The following CDKN2C variants were observed in gnomAD, a reference collection of about 807,000 sequenced individuals.
CDKN2C encodes the protein cyclin dependent kinase inhibitor 2C, also known as cyclin-dependent kinase 4 inhibitor C.
In CDKN2C, 5 loss-of-function variants were observed where a neutral mutation model predicts 11.0. The ratio of observed to expected loss-of-function variants is 0.45; its 90% CI spans 0.24 to 0.95. The LOEUF is 0.95. Among genes scored for constraint, CDKN2C ranks in the 40% least tolerant of loss-of-function variants. The pLI, the probability that CDKN2C is intolerant of heterozygous loss-of-function variation, is 0.21. For missense variants in CDKN2C, 161 were observed against 211.9 expected (o/e 0.76, Z 1.49); for synonymous variants, 79 against 88.3 (o/e 0.89, Z 0.59).
upstream of CDKN2C, chr1:50,969,379 G>A (rs1049827179): frequency 6.6e-6 from 1 of 152,302 alleles, no homozygotes; most frequent in Admixed American, 6.5e-5. The surrounding 1 kb of genome is among the most constrained non-coding windows in gnomAD (Gnocchi z 6.6). Context: ...ATGCTGCCGC[G>A]AGCTGCCCCA....
chr1:50,969,960 A>G (rs1055753243), upstream of CDKN2C: 3 of 261,072 alleles, frequency 1.1e-5, no homozygotes, highest in Non-Finnish European at 2.2e-5. This position sits in a 1 kb window ranked among gnomAD's most constrained non-coding sequence, Gnocchi z 6.6. Context: ...TTCTGCCCCG[A>G]TCTATAGTCC....
chr1:50,973,891 A>G lies in CDKN2C; in HGVS notation c.130-2A>G. The G allele has an allele frequency of 6.2e-7, 1 of 1,614,116 alleles. No individual in the cohort carries two copies. Among genetic ancestry groups the G allele is most frequent in the Non-Finnish European group, 8.5e-7 (1 of 1,179,968 alleles). On this transcript the variant is annotated splice_acceptor_variant, in intron 1 of 1. Coordinates refer to ENST00000371761, the MANE Select transcript of CDKN2C (RefSeq NM_078626.3). LOFTEE classifies it high-confidence loss of function. Reference sequence around the variant, plus strand: ...ATTCTACCATTTCTACTTCTTTTCCAGGTTATGAAACTTGGAAATCCCGAG... The same window carrying G: ...ATTCTACCATTTCTACTTCTTTTCCGGGTTATGAAACTTGGAAATCCCGAG...
In CDKN2C at chr1:50,974,471, A is replaced by T; in HGVS notation, c.*201A>T. On this transcript the variant is annotated 3_prime_UTR_variant, in exon 2 of 2. Coordinates refer to ENST00000371761, the MANE Select transcript of CDKN2C (RefSeq NM_078626.3). Reference sequence around the variant, plus strand: ...TTTTTAACCTGCAAAATCTGTTCTAACATGTAATTGCAGATAACTTTGACT... The same window carrying T: ...TTTTTAACCTGCAAAATCTGTTCTATCATGTAATTGCAGATAACTTTGACT... The T allele has an allele frequency of 2.2e-6, 1 of 460,940 alleles. No individual in the cohort carries two copies. Among genetic ancestry groups the T allele is most frequent in the Admixed American group, 3.8e-5 (1 of 26,236 alleles). The allele number at this position is 460,940 out of a possible 1,614,324, so 28.6% of individuals were successfully genotyped here.
Position 50,973,839 on chromosome 1 carries a change from T to C in CDKN2C, c.130-54T>C, listed in dbSNP as rs1645392616. 4 of 1,594,920 alleles carry C rather than the reference T, an allele frequency of 2.5e-6. No individual in the cohort carries two copies. The South Asian group carries it at 3.3e-5, about 13-fold the overall frequency. ...GGAAGGACAGGCAGATATTTTAAAA[T>C]ATCTCTGTAGCATATGCACTTGAAG... is the stretch of plus-strand genomic sequence containing the variant. On this transcript the variant is annotated intron_variant, in intron 1 of 1. Transcript: ENST00000371761.
rs778998106 is a variant in CDKN2C, at chr1:50,974,609, C to G, written c.*339C>G. On this transcript the variant is annotated 3_prime_UTR_variant, in exon 2 of 2. Coordinates refer to ENST00000371761, the MANE Select transcript of CDKN2C (RefSeq NM_078626.3). ...AAATGGTTTGTCCTGATGCTTTTGT[C>G]TAATTAAAACACTTTCAAAACAGGA... is the stretch of plus-strand genomic sequence containing the variant. 1.2e-4 allele frequency: 33 copies of G among 270,404 alleles called. No individual in the cohort carries two copies. Among genetic ancestry groups the G allele is most frequent in the Non-Finnish European group, 1.6e-4 (23 of 142,202 alleles). The allele number at this position is 270,404 out of a possible 1,614,324, so 16.8% of individuals were successfully genotyped here. A position where few individuals can be genotyped will look rare whatever the true frequency, so the allele number is the denominator to read the frequency against.
intron 1 of CDKN2C, among the ~76,000 whole-genome samples, chr1:50,962,833 T>C (rs1438124927): frequency 6.6e-6 from 1 of 152,162 alleles, no homozygotes; most frequent in Non-Finnish European, 1.5e-5. Flanking sequence ...CTCTGATAAA[T>C]GAAAAAACAA....
At chr1:50,970,077 G>A (rs1187366941), upstream of CDKN2C, 4 of 496,262 alleles carry the variant, frequency 8.1e-6, no homozygotes, top group African/African-American at 7.7e-5. Context: ...ATGTGTGTCT[G>A]TGTGTCTCTC....
upstream of CDKN2C, chr1:50,970,201 T>C: frequency 1.3e-6 from 1 of 772,740 alleles, no homozygotes; most frequent in Non-Finnish European, 2.1e-6. Flanking sequence ...GGGCGGGCTT[T>C]TGGCAGGCAG....
chr1:50,972,691 T>C (rs544752559), intron 1 of CDKN2C, among the ~76,000 whole-genome samples: 77 of 152,168 alleles, frequency 5.1e-4, no homozygotes, highest in Non-Finnish European at 9.1e-4. Context: ...TTCTACAAGA[T>C]ACTTTATAAG....
intron 1 of CDKN2C, among the ~76,000 whole-genome samples, chr1:50,960,958 A>G (rs1390677627): frequency 6.6e-6 from 1 of 152,210 alleles, no homozygotes; most frequent in Non-Finnish European, 1.5e-5. Flanking sequence ...TTTTAAGCTG[A>G]GACATCTTAC....
intron 1 of CDKN2C, 34 bp from the exon 2 acceptor site, chr1:50,973,859 T>C: frequency 6.2e-7 from 1 of 1,612,468 alleles, no homozygotes; most frequent in Non-Finnish European, 8.5e-7. Context: ...GCATATGCAC[T>C]TGAAGGATTC....
chr1:50,961,603 G>C (rs1645323797), intron 1 of CDKN2C, among the ~76,000 whole-genome samples: 1 of 152,256 alleles, frequency 6.6e-6, no homozygotes, highest in Non-Finnish European at 1.5e-5. Flanking sequence ...TGTGAAGTAA[G>C]ATTGCTGATT....
chr1:50,965,007 C>T lies in CDKN2C; in HGVS notation c.-1975-2929C>T, dbSNP rs150387388. ...GGCAGAGATTGGAGTGAGCTGAGAT[C>T]GCGCCACTGCACTCTGCCTGGGCGA... On this transcript the variant is annotated intron_variant, in intron 1 of 3. Coordinates refer to the CDKN2C transcript ENST00000262662. Among the ~76,000 whole-genome samples the T allele has an allele frequency of 8.3e-3, 1,264 of 151,870 alleles. 17 individuals carry two copies. Among genetic ancestry groups the T allele is most frequent in the Non-Finnish European group, 8.3e-3 (567 of 67,990 alleles).
chr1:50,966,486 C>G (rs2124776179), upstream of CDKN2C, among the ~76,000 whole-genome samples: 1 of 152,278 alleles, frequency 6.6e-6, no homozygotes, highest in African/African-American at 2.4e-5. Flanking sequence ...GCACCACTCT[C>G]AATATAGTAG....
intron 1 of CDKN2C, among the ~76,000 whole-genome samples, chr1:50,964,540 T>C (rs1645337910): frequency 6.6e-6 from 1 of 152,236 alleles, no homozygotes; most frequent in African/African-American, 2.4e-5. Context: ...CTAATGCTAC[T>C]GCACATATGT....
rs1321555751 is a variant in CDKN2C at position 50,974,112 on chromosome 1, C to T, written c.349C>T (p.Arg117Trp). Residue 117 changes from arginine (R) to tryptophan (W), a missense_variant, in exon 2 of 2, where the codon CGG becomes TGG. Physicochemically the swap from Arg to Trp is moderately radical, Grantham distance 101. Coordinates refer to ENST00000371761, the MANE Select transcript of CDKN2C (RefSeq NM_078626.3). Reference protein sequence around the residue: ...LHLAAKEGHLRVVEFLVKHTA... With the variant: ...LHLAAKEGHLWVVEFLVKHTA... Reference sequence around the variant, plus strand: ...CTTGGCTGCCAAAGAAGGCCACCTCCGGGTGGTGGAGTTCCTGGTGAAGCA... The same window carrying T: ...CTTGGCTGCCAAAGAAGGCCACCTCTGGGTGGTGGAGTTCCTGGTGAAGCA... The T allele has an allele frequency of 2.7e-5, 44 of 1,614,028 alleles. No individual in the cohort carries two copies. The highest frequency in any genetic ancestry group is 1.6e-4 in the Middle Eastern group (1 of 6,084).
At chr1:50,966,689 A>C (rs957989370), upstream of CDKN2C, among the ~76,000 whole-genome samples, 1 of 151,944 alleles carries the variant, frequency 6.6e-6, no homozygotes, top group Non-Finnish European at 1.5e-5. Flanking sequence ...TGGTTTACCC[A>C]ACAGGCAGAT....
intron 1 of CDKN2C, among the ~76,000 whole-genome samples, chr1:50,961,593 T>C (rs1052266802): frequency 6.6e-6 from 1 of 152,234 alleles, no homozygotes; most frequent in African/African-American, 2.4e-5. Flanking sequence ...AGCTTGAAAA[T>C]GTGAAGTAAG....
At chr1:50,963,678 A>G (rs1422396296) in intron 1 of CDKN2C, among the ~76,000 whole-genome samples, 1 of 152,212 alleles carries the variant, frequency 6.6e-6, no homozygotes, top group Non-Finnish European at 1.5e-5. Flanking sequence ...CAGAGTGGTT[A>G]TCTACTACAG....
Sources: allele counts gnomAD v4.1 joint callset (sites outside exome capture counted in the v4.1 genomes callset), GRCh38; gene constraint gnomAD v4.1.1; non-coding constraint Gnocchi (gnomAD v3.1); transcripts MANE v1.5; gene names NCBI Gene and HGNC (gene_info 2026-07-23, HGNC 2026-07-21).